The following EYS variants were observed in gnomAD, a reference collection of about 807,000 sequenced individuals.
The protein encoded by EYS is EGF-like photoreceptor maintenance factor.
In EYS, 250 loss-of-function variants were observed where a neutral mutation model predicts 282.1. That is an observed-to-expected ratio of 0.89 (90% CI 0.80 to 0.98). The LOEUF (loss-of-function observed/expected upper bound fraction) is 0.98. EYS is among the 50% of genes least tolerant of loss of function. The pLI is 0.00. For missense variants in EYS, 4,016 were observed against 3,709.0 expected, an observed-to-expected ratio of 1.08 and a Z score of -2.15; for synonymous variants, 1,355 against 1,282.9, an observed-to-expected ratio of 1.06 and a Z score of -1.20.
intron 16 of EYS, among the ~76,000 whole-genome samples, chr6:64,903,241 C>T (rs541979264): frequency 2.4e-4 from 37 of 152,096 alleles, no homozygotes; most frequent in African/African-American, 8.9e-4. Context: ...TTTTTCTGTA[C>T]TAGTTCAAAC....
In EYS at chr6:65,188,865, G is replaced by T. The variant is rs370807948; in HGVS notation, c.2023+106998C>A. On this transcript the variant is annotated intron_variant, in intron 12 of 42. Transcript: ENST00000503581. ...AGGCAAGAAAACAAATTGTTTCTTA[G>T]GGGCTTCAGAGGGAATGCAGCCTTG... Among the ~76,000 whole-genome samples the T allele has an allele frequency of 6.6e-5, 10 of 151,352 alleles. No homozygotes were observed. In the East Asian group the frequency reaches 1.8e-3, roughly 27 times the overall value.
chr6:64,549,157 T>C (rs991451720), intron 26 of EYS, among the ~76,000 whole-genome samples: 1 of 152,160 alleles, frequency 6.6e-6, no homozygotes, highest in Admixed American at 6.6e-5. Context: ...TTATTGGGGA[T>C]AACCATGATA....
intron 12 of EYS, among the ~76,000 whole-genome samples, chr6:65,149,043 T>C (rs1016392495): frequency 2.0e-5 from 3 of 152,080 alleles, no homozygotes; most frequent in African/African-American, 4.8e-5. Context: ...AGGCATGTAA[T>C]GGGAAGGGCT....
intron 12 of EYS, among the ~76,000 whole-genome samples, chr6:65,119,630 C>CTTTTTTTTTTTTTTTT (rs3036008): frequency 1.2e-4 from 16 of 135,338 alleles, no homozygotes; most frequent in Non-Finnish European, 1.6e-4. Flanking sequence ...GCCTTTTTAT[C>CTTTTTTTTTTTTTTTT]TTTTTTTTTT....
intron 26 of EYS, among the ~76,000 whole-genome samples, chr6:64,512,277 C>A (rs1035161763): frequency 1.3e-5 from 2 of 151,948 alleles, no homozygotes; most frequent in Non-Finnish European, 2.9e-5. Context: ...GTAGGAGAAG[C>A]GTCACTGCAA....
chr6:64,750,432 A>AAT (rs1772707440), intron 22 of EYS, among the ~76,000 whole-genome samples: 1 of 151,402 alleles, frequency 6.6e-6, no homozygotes. Context: ...AAAAAAAAAA[A>AAT]GCTTTCTTTT....
At chr6:64,320,608 A>G (rs1770179445) in intron 29 of EYS, among the ~76,000 whole-genome samples, 2 of 151,654 alleles carry the variant, frequency 1.3e-5, no homozygotes, top group African/African-American at 4.8e-5. Context: ...GTCCTTAGAC[A>G]AATTGATAAT....
chr6:63,778,279 A>G (rs1037643557), intron 39 of EYS, 99 bp from the exon 40 acceptor site: 1 of 1,218,882 alleles, frequency 8.2e-7, no homozygotes, highest in South Asian at 1.4e-5. Flanking sequence ...GTTTTTCAAA[A>G]TAAAGTAATA....
chr6:64,725,145 T>A (rs1476177201), intron 22 of EYS, among the ~76,000 whole-genome samples: 9 of 152,150 alleles, frequency 5.9e-5, no homozygotes, highest in Non-Finnish European at 1.3e-4. Flanking sequence ...ACATTTAAGA[T>A]CCTCTCTAAT....
chr6:65,498,800 A>G (rs1471736605), intron 2 of EYS, among the ~76,000 whole-genome samples: 4 of 151,996 alleles, frequency 2.6e-5, no homozygotes, highest in Non-Finnish European at 1.5e-5. Flanking sequence ...TTTTGACCCC[A>G]AAGGTATGAT....
chr6:63,934,160 C>T (rs1011656171), intron 35 of EYS, among the ~76,000 whole-genome samples: 4 of 152,176 alleles, frequency 2.6e-5, no homozygotes. Flanking sequence ...TGCTCATCAT[C>T]ACTGGCCATC....
At chr6:63,867,695 T>A (rs946307164) in intron 35 of EYS, among the ~76,000 whole-genome samples, 1 of 152,180 alleles carries the variant, frequency 6.6e-6, no homozygotes, top group Admixed American at 6.5e-5. Context: ...CTGTAATATG[T>A]GGATTCAGAT....
chr6:65,379,446 A>G (rs1447628532), intron 8 of EYS, among the ~76,000 whole-genome samples: 1 of 152,092 alleles, frequency 6.6e-6, no homozygotes, highest in Non-Finnish European at 1.5e-5. Flanking sequence ...TCAATAAACT[A>G]GGTGTTGGTG....
intron 6 of EYS, among the ~76,000 whole-genome samples, chr6:65,403,985 G>GCAA (rs201061473): frequency 1.3e-5 from 2 of 151,858 alleles, no homozygotes; most frequent in African/African-American, 4.8e-5. Context: ...GTAGCTTGAA[G>GCAA]CAACAACAAC....
intron 30 of EYS, among the ~76,000 whole-genome samples, chr6:64,293,302 A>G (rs1768782256): frequency 6.6e-6 from 1 of 152,140 alleles, no homozygotes; most frequent in South Asian, 2.1e-4. Flanking sequence ...ATGTATAAAA[A>G]CATGTTATAT....
intron 5 of EYS, among the ~76,000 whole-genome samples, chr6:65,446,362 A>T (rs917414478): frequency 6.6e-6 from 1 of 151,880 alleles, no homozygotes; most frequent in Non-Finnish European, 1.5e-5. Flanking sequence ...TGTTTAAACT[A>T]TATTAACTTC....
intron 26 of EYS, among the ~76,000 whole-genome samples, chr6:64,534,317 T>G (rs1189290219): frequency 6.6e-6 from 1 of 152,054 alleles, no homozygotes; most frequent in Non-Finnish European, 1.5e-5. Context: ...TTTACTTTTC[T>G]TGGTTTTCTT....
At chr6:64,906,442 C>G (rs937898064) in intron 16 of EYS, among the ~76,000 whole-genome samples, 3 of 152,070 alleles carry the variant, frequency 2.0e-5, no homozygotes, top group Admixed American at 2.0e-4. Context: ...TAATTGTCAA[C>G]AGGAGTAATT....
In EYS at chr6:65,494,928, C is replaced by A. The variant is rs748763208; in HGVS notation, c.483G>T (p.Leu161=). 1 of 1,614,138 alleles carries A rather than the reference C, an allele frequency of 6.2e-7. No homozygotes were observed. The highest frequency in any genetic ancestry group is 1.1e-5 in the South Asian group (1 of 91,086). ...VMASGPSPCP[L]GLRLNVTVKQ... ...TCACTGTCACATTTAGTCGAAGTCC[C>A]AGTGGACAAGGTGATGGACCACTTG... is the stretch of plus-strand genomic sequence containing the variant. The change falls in exon 4 of 43, where the codon CTG becomes CTT. Residue 161 remains leucine, a synonymous_variant. Coordinates refer to ENST00000503581, the MANE Select transcript of EYS (RefSeq NM_001142800.2).
Sources: allele counts gnomAD v4.1 joint callset (sites outside exome capture counted in the v4.1 genomes callset), GRCh38; gene constraint gnomAD v4.1.1; transcripts MANE v1.5; gene names NCBI Gene and HGNC (gene_info 2026-07-23, HGNC 2026-07-21).